The following ATP8B1 variants were observed in gnomAD, a reference collection of about 807,000 sequenced individuals.
ATP8B1 encodes the protein phospholipid-transporting ATPase IC.
ATP8B1 carries 80 observed loss-of-function variants against 149.9 expected under a neutral mutation model. That is an observed-to-expected ratio of 0.53 (90% CI 0.45 to 0.64). ATP8B1 has a LOEUF of 0.64. Among genes scored for constraint, ATP8B1 ranks in the 30% least tolerant of loss-of-function variants. The pLI is 0.00. For missense variants in ATP8B1, 1,247 were observed against 1,552.6 expected (o/e 0.80, Z 3.31); for synonymous variants, 536 against 562.8 (o/e 0.95, Z 0.67).
At chr18:57,655,151 G>T in intron 23 of ATP8B1, 43 bp downstream of exon 23, 1 of 1,517,700 alleles carries the variant, frequency 6.6e-7, no homozygotes, top group South Asian at 1.1e-5. Flanking sequence ...ATTCATTTAA[G>T]AGCTCTACTT....
chr18:57,659,634 C>T (rs149311826), intron 22 of ATP8B1: 194 of 140,154 alleles, frequency 1.4e-3, no homozygotes, highest in African/African-American at 4.4e-3. Context: ...CAATACCATT[C>T]GCATGGTAGG....
At chr18:57,658,627 T>TTGTG (rs71171058) in intron 22 of ATP8B1, among the ~76,000 whole-genome samples, 24,935 of 144,904 alleles carry the variant, frequency 0.17, 2,211 homozygotes, top group Middle Eastern at 0.28. Flanking sequence ...AACAATTTCT[T>TTGTG]TGTGTGTGTG....
chr18:57,768,409 A>G (rs1368752949), intron 1 of ATP8B1, among the ~76,000 whole-genome samples: 18 of 129,982 alleles, frequency 1.4e-4, no homozygotes, highest in Admixed American at 7.6e-5. Context: ...AAAAAAAAAA[A>G]AGAAAAGAAA....
intron 11 of ATP8B1, among the ~76,000 whole-genome samples, chr18:57,694,101 A>G (rs1255964198): frequency 6.6e-6 from 1 of 152,180 alleles, no homozygotes; most frequent in Non-Finnish European, 1.5e-5. Flanking sequence ...CCAGTGAATC[A>G]TCAAACCTGG....
chr18:57,783,028 G>A (rs1454146957), intron 1 of ATP8B1, among the ~76,000 whole-genome samples: 4 of 151,834 alleles, frequency 2.6e-5, no homozygotes, highest in Admixed American at 2.6e-4. Flanking sequence ...GGTCTGGCTG[G>A]TCTCAAACTC....
chr18:57,655,069 A>G (rs1307354303), intron 23 of ATP8B1, 125 bp downstream of exon 23: 1 of 842,594 alleles, frequency 1.2e-6, no homozygotes, highest in Non-Finnish European at 1.9e-6. Context: ...ATTATGCCCC[A>G]ACTGTAAGGA....
At chr18:57,756,175 C>G (rs2123291965) in intron 1 of ATP8B1, among the ~76,000 whole-genome samples, 1 of 141,224 alleles carries the variant, frequency 7.1e-6, no homozygotes, top group East Asian at 2.0e-4. Context: ...GTCCTTTAAT[C>G]TGAAACATTT....
At chr18:57,743,842 G>T (rs945500669) in intron 1 of ATP8B1, among the ~76,000 whole-genome samples, 2 of 152,154 alleles carry the variant, frequency 1.3e-5, no homozygotes, top group African/African-American at 4.8e-5. Context: ...CATCTGACAG[G>T]GGGAAGGGTG....
chr18:57,745,151 A>G (rs1036418703), intron 1 of ATP8B1, among the ~76,000 whole-genome samples: 2 of 152,210 alleles, frequency 1.3e-5, no homozygotes, highest in Non-Finnish European at 2.9e-5. Context: ...TGAAATTAGT[A>G]TATGTATTAC....
chr18:57,764,774 A>C lies in ATP8B1; in HGVS notation c.-25-32942T>G, dbSNP rs931531378. 5.3e-5 allele frequency among the ~76,000 whole-genome samples: 8 copies of C among 151,746 alleles called. No homozygotes were observed. The East Asian group carries it at 9.6e-4, about 18-fold the overall frequency. On this transcript the variant is annotated intron_variant, in intron 1 of 27. Transcript: ENST00000648908. ...TCAGTTGTCAAAAAAAAAAAAAAAA[A>C]AAAAAACAGAAAATAAGTGTTGGTG...
chr18:57,756,269 T>A, intron 1 of ATP8B1, among the ~76,000 whole-genome samples: 1 of 69,684 alleles, frequency 1.4e-5, no homozygotes, highest in Non-Finnish European at 3.1e-5. Flanking sequence ...ATATATGAAA[T>A]ATTTACACAA....
intron 2 of ATP8B1, among the ~76,000 whole-genome samples, chr18:57,725,074 G>A (rs1380986935): frequency 9.3e-6 from 1 of 107,486 alleles, no homozygotes; most frequent in African/African-American, 3.5e-5. Flanking sequence ...ACACAGGAAG[G>A]GGAATATCAC....
intron 16 of ATP8B1, among the ~76,000 whole-genome samples, chr18:57,672,873 A>G (rs1455893555): frequency 2.0e-5 from 2 of 102,530 alleles, no homozygotes; most frequent in African/African-American, 7.3e-5. Context: ...TCTCAAAAAA[A>G]AAAAAAAAAA....
intron 1 of ATP8B1, among the ~76,000 whole-genome samples, chr18:57,781,632 G>A (rs1281515173): frequency 3.3e-5 from 5 of 152,174 alleles, no homozygotes; most frequent in Non-Finnish European, 7.3e-5. Flanking sequence ...AAGAAGATAC[G>A]TGATCTCTCA....
intron 20 of ATP8B1, among the ~76,000 whole-genome samples, chr18:57,663,429 A>G (rs1306440435): frequency 2.0e-5 from 3 of 152,138 alleles, no homozygotes; most frequent in Non-Finnish European, 2.9e-5. Context: ...CCTGCTTTCA[A>G]TTATTTTGTG....
rs569100085 is a variant in ATP8B1, at chr18:57,675,661, G to C, written c.1631-639C>G. Reference sequence around the variant, plus strand: ...TGATCCTTCTGCCTCAGCCTAATGAGTCGCTAGGGCTACAGGCTCATGTCA... The same window carrying C: ...TGATCCTTCTGCCTCAGCCTAATGACTCGCTAGGGCTACAGGCTCATGTCA... On this transcript the variant is annotated intron_variant, in intron 15 of 27. Transcript: ENST00000648908. Among the ~76,000 whole-genome samples, 7 of 152,234 alleles carry C rather than the reference G, an allele frequency of 4.6e-5. No homozygotes were observed. In the South Asian group the frequency reaches 1.5e-3, roughly 32 times the overall value.
intron 1 of ATP8B1, among the ~76,000 whole-genome samples, chr18:57,761,625 TA>T (rs2123329675): frequency 6.6e-6 from 1 of 151,994 alleles, no homozygotes; most frequent in African/African-American, 2.4e-5. Flanking sequence ...CTAAATCTCC[TA>T]ATTCTATAGG....
At chr18:57,769,234 C>T (rs1239196345) in intron 1 of ATP8B1, among the ~76,000 whole-genome samples, 3 of 152,194 alleles carry the variant, frequency 2.0e-5, no homozygotes, top group Non-Finnish European at 2.9e-5. Context: ...CCTAGAGCCA[C>T]GCATTCTGCC....
intron 1 of ATP8B1, among the ~76,000 whole-genome samples, chr18:57,751,233 G>A (rs1005310174): frequency 1.3e-5 from 2 of 152,110 alleles, no homozygotes; most frequent in Non-Finnish European, 2.9e-5. Flanking sequence ...GCTCACACCT[G>A]TAACCCAGTA....
Sources: allele counts gnomAD v4.1 joint callset (sites outside exome capture counted in the v4.1 genomes callset), GRCh38; gene constraint gnomAD v4.1.1; transcripts MANE v1.5; gene names NCBI Gene and HGNC (gene_info 2026-07-23, HGNC 2026-07-21).